CARMIL1: variants seen among roughly 807,000 people sequenced by gnomAD.
CARMIL1 encodes the protein capping protein regulator and myosin 1 linker 1.
In CARMIL1, 90 loss-of-function variants were observed where a neutral mutation model predicts 177.1. The ratio of observed to expected loss-of-function variants is 0.51; its 90% confidence interval spans 0.43 to 0.61. CARMIL1 has a LOEUF of 0.61. Ranked by LOEUF, CARMIL1 falls within the 20% of genes least tolerant of loss-of-function variation. CARMIL1 has a pLI of 0.00. For synonymous variants in CARMIL1, 577 were observed against 606.2 expected (o/e 0.95, Z 0.71); for missense variants, 1,380 against 1,667.0 (o/e 0.83, Z 3.00).
intron 36 of CARMIL1, 83 bp downstream of exon 36, chr6:25,610,264 T>C: frequency 7.0e-7 from 1 of 1,420,826 alleles, no homozygotes. Flanking sequence ...CATCCTGGAC[T>C]TTACTAATAT....
intron 2 of CARMIL1, among the ~76,000 whole-genome samples, chr6:25,339,061 T>G (rs143150186): frequency 9.5e-4 from 144 of 151,906 alleles, no homozygotes; most frequent in African/African-American, 3.1e-3. Flanking sequence ...TTCCCATTTT[T>G]GTCCCCATCA....
chr6:25,577,230 CAG>C lies in CARMIL1; in HGVS notation c.2743-3691_2743-3690del, dbSNP rs1487404198. ...CTCCAGCCATGTGCCTGAAAGCAAG[CAG>C]AGTGTTGATGAAGAGGATACAAACA... On this transcript the variant is annotated intron_variant, in intron 29 of 36. Transcript: ENST00000329474. This position sits in a 1 kb window ranked among gnomAD's most constrained non-coding sequence, Gnocchi z 4.5. 1.5e-5 allele frequency: 8 copies of C among 549,972 alleles called. No homozygotes were observed. Among genetic ancestry groups the C allele is most frequent in the African/African-American group, 4.1e-5 (2 of 48,714 alleles). 34.1% of individuals were successfully genotyped at this position (549,972 alleles called of 1,614,324 possible). A position where few individuals can be genotyped will look rare whatever the true frequency, so the allele number is the denominator to read the frequency against.
At chr6:25,351,425 T>C (rs1241674521) in intron 2 of CARMIL1, among the ~76,000 whole-genome samples, 8 of 152,212 alleles carry the variant, frequency 5.3e-5, no homozygotes, top group Admixed American at 5.2e-4. Flanking sequence ...TTCTGCTGTA[T>C]TTGATGGTAA....
intron 2 of CARMIL1, among the ~76,000 whole-genome samples, chr6:25,347,008 T>C (rs750104131): frequency 1.3e-5 from 2 of 152,204 alleles, no homozygotes; most frequent in Non-Finnish European, 2.9e-5. Context: ...TCTTGCCTTA[T>C]TAGAAAAACA....
intron 2 of CARMIL1, among the ~76,000 whole-genome samples, chr6:25,305,772 C>G (rs1192093939): frequency 6.6e-6 from 1 of 152,154 alleles, no homozygotes. Flanking sequence ...AACTGACATC[C>G]TTTATAAATA....
chr6:25,351,011 G>A (rs562014003), intron 2 of CARMIL1, among the ~76,000 whole-genome samples: 2 of 152,276 alleles, frequency 1.3e-5, no homozygotes, highest in South Asian at 2.1e-4. Flanking sequence ...CGAGAGTAGA[G>A]CACTCCCTCT....
At chr6:25,399,701 C>T (rs1453952162) in intron 2 of CARMIL1, among the ~76,000 whole-genome samples, 4 of 152,102 alleles carry the variant, frequency 2.6e-5, no homozygotes, top group Non-Finnish European at 5.9e-5. Flanking sequence ...CCCTAGAGAA[C>T]GTGTAAATCA....
chr6:25,338,073 A>G (rs1026769546), intron 2 of CARMIL1, among the ~76,000 whole-genome samples: 7 of 152,072 alleles, frequency 4.6e-5, no homozygotes, highest in African/African-American at 1.4e-4. Context: ...CCTGGCCAAC[A>G]TGGCGAAACC....
rs559043416 is a variant in CARMIL1, at chr6:25,517,541, T to G, written c.1874+126T>G. ...TCAGAAGATCTGGGTCTGAATTTAG[T>G]CTACAGCTAACCAGCTATGGGATCT... On this transcript the variant is annotated intron_variant, in intron 22 of 36. Coordinates refer to ENST00000329474, the MANE Select transcript of CARMIL1 (RefSeq NM_017640.6). The G allele has an allele frequency of 4.9e-5, 33 of 677,344 alleles. No individual in the cohort carries two copies. The African/African-American group carries it at 5.4e-4, about 11-fold the overall frequency. The allele number at this position is 677,344 out of a possible 1,614,324, so 42.0% of individuals were successfully genotyped here.
intron 29 of CARMIL1, among the ~76,000 whole-genome samples, chr6:25,557,089 G>C (rs373731547): frequency 1.2e-4 from 18 of 152,118 alleles, no homozygotes; most frequent in East Asian, 7.7e-4. Flanking sequence ...AGGAGAAATA[G>C]ATTAGGTAAC....
intron 31 of CARMIL1, among the ~76,000 whole-genome samples, chr6:25,589,751 G>A (rs1562316628): frequency 6.6e-6 from 1 of 152,110 alleles, no homozygotes; most frequent in Admixed American, 6.5e-5. Context: ...GCCTCCCAAA[G>A]TACTAGAATT....
intron 29 of CARMIL1, 145 bp downstream of exon 29, chr6:25,556,995 A>T: frequency 5.9e-6 from 5 of 841,604 alleles, no homozygotes. Flanking sequence ...GAAAAGTCCT[A>T]AAGAGGCCGC....
chr6:25,520,801 G>A (rs1441162047), intron 23 of CARMIL1, among the ~76,000 whole-genome samples: 1 of 152,010 alleles, frequency 6.6e-6, no homozygotes, highest in African/African-American at 2.4e-5. Flanking sequence ...CTCTGTACTG[G>A]CAAACTCAGA....
At chr6:25,425,833 T>C (rs58657257) in intron 3 of CARMIL1, among the ~76,000 whole-genome samples, 19,429 of 152,268 alleles carry the variant, frequency 0.13, 1,512 homozygotes, top group South Asian at 0.19. Context: ...TTAAAATTCC[T>C]AAATATTGTA....
intron 3 of CARMIL1, among the ~76,000 whole-genome samples, chr6:25,421,627 A>G (rs1409262150): frequency 2.0e-5 from 3 of 151,340 alleles, no homozygotes; most frequent in African/African-American, 7.3e-5. Flanking sequence ...ACCAACCCAA[A>G]TGTCCAACAA....
intron 17 of CARMIL1, among the ~76,000 whole-genome samples, chr6:25,506,172 G>A (rs954778301): frequency 2.6e-5 from 4 of 152,224 alleles, no homozygotes; most frequent in African/African-American, 9.6e-5. Context: ...GCCAGGTACG[G>A]AATGCAGAAT....
rs990045568 is a variant in CARMIL1 at position 25,279,525 on chromosome 6, A to G, written c.-271A>G. 1.9e-6 allele frequency: 1 copy of G among 538,832 alleles called. No homozygotes were observed. Among genetic ancestry groups the G allele is most frequent in the Non-Finnish European group, 3.3e-6 (1 of 299,100 alleles). 33.4% of individuals were successfully genotyped at this position (538,832 alleles called of 1,614,324 possible). Reference sequence around the variant, plus strand: ...GCCCCGCGCCCCGCGCCCGCTTGTAATCCGGTCCGCTCCTTATTCAGCCGC... The same window carrying G: ...GCCCCGCGCCCCGCGCCCGCTTGTAGTCCGGTCCGCTCCTTATTCAGCCGC... On this transcript the variant is annotated 5_prime_UTR_variant, in exon 1 of 37. Transcript: ENST00000329474.
intron 2 of CARMIL1, among the ~76,000 whole-genome samples, chr6:25,296,932 TCTTTAAC>T (rs1561948892): frequency 3.1e-3 from 124 of 39,744 alleles, no homozygotes; most frequent in East Asian, 0.017. Context: ...TATCTATCTA[TCTTTAAC>T]TAACTAACTA....
intron 2 of CARMIL1, among the ~76,000 whole-genome samples, chr6:25,361,019 G>A (rs1259796691): frequency 2.0e-5 from 3 of 152,110 alleles, no homozygotes; most frequent in Non-Finnish European, 4.4e-5. Context: ...CTTTGGGGGT[G>A]TGCTTGGTGA....
Sources: gnomAD v4.1 joint callset for allele counts (sites outside exome capture counted in the v4.1 genomes callset) on GRCh38, gnomAD v4.1.1 for gene constraint, Gnocchi (gnomAD v3.1) non-coding constraint, MANE v1.5 for transcripts, NCBI Gene and HGNC (gene_info 2026-07-23, HGNC 2026-07-21) for gene names.